Variants in GPATCH1 observed in about 807,000 individuals in gnomAD.
The protein encoded by GPATCH1 is G patch domain-containing protein 1.
In GPATCH1, 73 loss-of-function variants were observed where a neutral mutation model predicts 114.9. The observed-to-expected ratio is 0.64, with a 90% CI of 0.53 to 0.77. GPATCH1 has a LOEUF of 0.77. Among genes scored for constraint, GPATCH1 ranks in the 30% least tolerant of loss-of-function variants. The pLI is 0.00. For synonymous variants in GPATCH1, 391 were observed against 428.4 expected, an observed-to-expected ratio of 0.91 and a Z score of 1.08; for missense variants, 1,058 against 1,144.3, an observed-to-expected ratio of 0.92 and a Z score of 1.09.
At chr19:33,101,333 T>C (rs1217190746) in intron 8 of GPATCH1, among the ~76,000 whole-genome samples, 162 bp from the exon 9 acceptor site, 1 of 152,184 alleles carries the variant, frequency 6.6e-6, no homozygotes, top group Non-Finnish European at 1.5e-5. Context: ...GGTGTGGGGC[T>C]TTGCTTACCA....
At chr19:33,084,869 C>T (rs548196437) in intron 1 of GPATCH1, among the ~76,000 whole-genome samples, 1 of 151,892 alleles carries the variant, frequency 6.6e-6, no homozygotes, top group Non-Finnish European at 1.5e-5. Context: ...CAATGTTGGC[C>T]AGGCTGGTCT....
Position 33,096,249 on chromosome 19 carries a change from C to T in GPATCH1, c.655C>T (p.Pro219Ser), listed in dbSNP as rs1307055775. 1 of 1,612,796 alleles carries T rather than the reference C, an allele frequency of 6.2e-7. No individual in the cohort carries two copies. Among genetic ancestry groups the T allele is most frequent in the East Asian group, 2.2e-5 (1 of 44,878 alleles). Residue 219 changes from proline (P) to serine (S), a missense_variant, in exon 7 of 20, where the codon CCC (proline) becomes TCC (serine). By Grantham distance (74) the Pro-to-Ser change is moderately conservative. Coordinates refer to ENST00000170564, the MANE Select transcript of GPATCH1 (RefSeq NM_018025.3). ...DYLPDNVTFA[P>S]KDVTPVDFTP... is the part of the protein sequence containing the mutation. ...CTTGCCTGATAATGTGACCTTTGCA[C>T]CCAAAGATGTCACACCTGTGGATTT...
At position 33,097,909 on chromosome 19, in the gene GPATCH1, C is replaced by T. The variant is rs757782598; in HGVS notation, c.1000+7C>T. Reference sequence around the variant, plus strand: ...CAGTATAAAAACCAGAAAGGTAATTCGACAGCCACAAACCTAATGGCAGGA... The same window carrying T: ...CAGTATAAAAACCAGAAAGGTAATTTGACAGCCACAAACCTAATGGCAGGA... On this transcript the variant is annotated splice_region_variant and intron_variant, in intron 8 of 19. Coordinates refer to ENST00000170564, the MANE Select transcript of GPATCH1 (RefSeq NM_018025.3). 46 of 1,613,222 alleles carry T rather than the reference C, an allele frequency of 2.9e-5. No homozygotes were observed. Among genetic ancestry groups the T allele is most frequent in the South Asian group, 8.8e-5 (8 of 90,990 alleles).
intron 5 of GPATCH1, 76 bp from the exon 6 acceptor site, chr19:33,095,686 T>C: frequency 2.1e-6 from 2 of 958,692 alleles, no homozygotes; most frequent in Non-Finnish European, 1.7e-6. Flanking sequence ...ACAGGTGTGA[T>C]CCACCGCGCC....
chr19:33,088,116 T>TC lies in GPATCH1; in HGVS notation c.74-18_74-17insC. 7.8e-6 allele frequency: 9 copies of TC among 1,159,458 alleles called. No homozygotes were observed. The highest frequency in any genetic ancestry group is 1.0e-5 in the Non-Finnish European group (9 of 892,142). 71.8% of individuals were successfully genotyped at this position (1,159,458 alleles called of 1,614,324 possible). A position where few individuals can be genotyped will look rare whatever the true frequency, so the allele number is the denominator to read the frequency against. ...CTCTCTTTTTCATTTAAAAAACTTT[T>TC]TTTTTTTTTTTTTTTAGGTGAAAGA... On this transcript the variant is annotated splice_polypyrimidine_tract_variant and intron_variant, in intron 1 of 19. Coordinates refer to ENST00000170564, the MANE Select transcript of GPATCH1 (RefSeq NM_018025.3).
intron 10 of GPATCH1, among the ~76,000 whole-genome samples, chr19:33,108,148 G>A (rs970312156): frequency 1.1e-4 from 17 of 152,042 alleles, no homozygotes; most frequent in Non-Finnish European, 2.1e-4. Context: ...GTGGCCTCCC[G>A]GGTCTGAGCC....
chr19:33,116,254 TA>T (rs1443614893), intron 15 of GPATCH1, among the ~76,000 whole-genome samples: 2 of 152,232 alleles, frequency 1.3e-5, no homozygotes, highest in African/African-American at 4.8e-5. Flanking sequence ...TTTTAGTCAT[TA>T]AACATATTTT....
chr19:33,081,328 C>A, intron 1 of GPATCH1, 62 bp downstream of exon 1: 1 of 1,277,812 alleles, frequency 7.8e-7, no homozygotes, highest in Non-Finnish European at 1.1e-6. Flanking sequence ...GGATTCGGGC[C>A]ACAAAAGCAC....
intron 2 of GPATCH1, among the ~76,000 whole-genome samples, chr19:33,090,509 A>T (rs1972582247): frequency 6.6e-6 from 1 of 152,030 alleles, no homozygotes; most frequent in Non-Finnish European, 1.5e-5. Flanking sequence ...TGTTCATTTC[A>T]CAGTTTAACT....
chr19:33,114,453 T>G (rs1972894903), intron 15 of GPATCH1, 34 bp downstream of exon 15: 1 of 1,524,780 alleles, frequency 6.6e-7, no homozygotes, highest in East Asian at 2.3e-5. Flanking sequence ...TTTGCCACGC[T>G]GAGTGTGGCC....
chr19:33,089,034 T>C (rs1348482524), intron 2 of GPATCH1, among the ~76,000 whole-genome samples: 3 of 152,214 alleles, frequency 2.0e-5, no homozygotes, highest in African/African-American at 7.2e-5. Flanking sequence ...ATCTTGTTCA[T>C]TGATTGCAAC....
intron 13 of GPATCH1, 44 bp downstream of exon 13, chr19:33,112,657 A>G (rs773394237): frequency 3.3e-6 from 5 of 1,533,320 alleles, no homozygotes; most frequent in Admixed American, 3.7e-5. Flanking sequence ...TGTATTCTTG[A>G]TATTAAAGCT....
rs546074419 is a variant in GPATCH1, at chr19:33,114,797, C to CTTTTTTT, written c.2196+395_2196+401dup. Among the ~76,000 whole-genome samples the CTTTTTTT allele has an allele frequency of 6.9e-4, 60 of 87,176 alleles. 1 individual carries two copies. Among genetic ancestry groups the CTTTTTTT allele is most frequent in the Admixed American group, 2.0e-3 (12 of 6,084 alleles). 57.2% of individuals were successfully genotyped at this position (87,176 alleles called of 152,430 possible). On this transcript the variant is annotated intron_variant, in intron 15 of 19. Transcript: ENST00000170564. ...ATACATTTAGGATTGCTATTTCTCT[C>CTTTTTTT]TTTTTTTTTTTTTTTTTTTTTTTGA...
At chr19:33,082,698 G>T (rs1411061783) in intron 1 of GPATCH1, among the ~76,000 whole-genome samples, 5 of 152,050 alleles carry the variant, frequency 3.3e-5, no homozygotes, top group African/African-American at 1.2e-4. Flanking sequence ...ACAAACAAAC[G>T]AAACAAAAGG....
At chr19:33,110,252 A>G (rs1461519049) in intron 11 of GPATCH1, among the ~76,000 whole-genome samples, 1 of 152,208 alleles carries the variant, frequency 6.6e-6, no homozygotes, top group Non-Finnish European at 1.5e-5. Flanking sequence ...AGTAGAGAAC[A>G]CAGCTGGCGG....
At position 33,125,063 on chromosome 19, in the gene GPATCH1, T is replaced by G. The variant is rs191347322; in HGVS notation, c.2522-42T>G. The G allele has an allele frequency of 1.1e-4, 174 of 1,558,922 alleles. 1 individual carries two copies. The African/African-American group carries it at 2.1e-3, about 19-fold the overall frequency. ...GCTTAGTTTTGGATAGTCTTTGTTT[T>G]CGTGCTATATAGGTCCTGTGTTTAT... On this transcript the variant is annotated intron_variant, in intron 17 of 19. Transcript: ENST00000170564.
chr19:33,081,874 AT>A (rs1555717441), intron 1 of GPATCH1, among the ~76,000 whole-genome samples: 7 of 147,794 alleles, frequency 4.7e-5, no homozygotes, highest in East Asian at 4.0e-4. Context: ...ACAGGGAGGG[AT>A]ATATATATGA....
intron 14 of GPATCH1, 124 bp from the exon 15 acceptor site, chr19:33,114,129 G>A (rs1344669743): frequency 3.0e-6 from 3 of 987,092 alleles, no homozygotes; most frequent in Non-Finnish European, 3.1e-6. Context: ...ACCTCCCCAG[G>A]ACCCTACACA....
Position 33,096,187 on chromosome 19 carries a change from T to C in GPATCH1, c.613-20T>C, listed in dbSNP as rs760025202. The stretch of plus-strand genomic sequence containing the variant: ...GCATCCTTCAGTGACTCACCTTAAT[T>C]CCACTTTAAACGGAAATAGGGTGAA... On this transcript the variant is annotated intron_variant, in intron 6 of 19. Coordinates refer to ENST00000170564, the MANE Select transcript of GPATCH1 (RefSeq NM_018025.3). 1.2e-6 allele frequency: 2 copies of C among 1,609,868 alleles called. No homozygotes were observed. Among genetic ancestry groups the C allele is most frequent in the Non-Finnish European group, 1.7e-6 (2 of 1,177,774 alleles).
Sources: allele counts gnomAD v4.1 joint callset (sites outside exome capture counted in the v4.1 genomes callset), GRCh38; gene constraint gnomAD v4.1.1; transcripts MANE v1.5; gene names NCBI Gene and HGNC (gene_info 2026-07-23, HGNC 2026-07-21).